The following SP7 variants were observed in gnomAD, a reference collection of about 807,000 sequenced individuals.
SP7 encodes the protein Sp7 transcription factor.
SP7 carries 13 observed loss-of-function variants against 27.9 expected under a neutral mutation model. The ratio of observed to expected loss-of-function variants is 0.47; its 90% CI spans 0.30 to 0.74. The LOEUF is 0.74. Ranked by LOEUF, SP7 falls within the 30% of genes least tolerant of loss-of-function variation. The pLI is 0.06. For missense variants in SP7, 525 were observed against 558.0 expected (o/e 0.94, Z 0.60); for synonymous variants, 219 against 226.7 (o/e 0.97, Z 0.31).
At chr12:53,331,470 CAAAAAAAAA>C (rs367626786) in intron 2 of SP7, among the ~76,000 whole-genome samples, 1 of 105,362 alleles carries the variant, frequency 9.5e-6, no homozygotes, top group South Asian at 3.4e-4. Context: ...GACTCCATCT[CAAAAAAAAA>C]AAAAAAAAAG....
upstream of SP7, among the ~76,000 whole-genome samples, chr12:53,339,810 G>T (rs556777676): frequency 5.3e-5 from 8 of 151,142 alleles, no homozygotes; most frequent in Non-Finnish European, 1.0e-4. Flanking sequence ...TACTTCCATC[G>T]TCCACACCAT....
At chr12:53,337,825 T>C (rs564664136), upstream of SP7, among the ~76,000 whole-genome samples, 4 of 152,020 alleles carry the variant, frequency 2.6e-5, no homozygotes, top group East Asian at 7.7e-4. Context: ...AGGGGAAGGG[T>C]TTGGGAACCA....
chr12:53,338,478 G>T (rs570861126), upstream of SP7, among the ~76,000 whole-genome samples: 80 of 152,284 alleles, frequency 5.3e-4, no homozygotes, highest in African/African-American at 1.3e-3. Context: ...TGAGGAGGGG[G>T]TTGGGACTCA....
At chr12:53,333,505 A>AG (rs1320811839) in intron 2 of SP7, among the ~76,000 whole-genome samples, 6 of 152,212 alleles carry the variant, frequency 3.9e-5, no homozygotes, top group Middle Eastern at 3.4e-3. Context: ...CTGGCCTCCC[A>AG]GCGGAAGTGC....
rs1944634198 is a variant in SP7, at chr12:53,326,748, G to T, written c.*1398C>A. The T allele has an allele frequency of 6.6e-6, 1 of 152,572 alleles. No individual in the cohort carries two copies. The highest frequency in any genetic ancestry group is 6.5e-5 in the Admixed American group (1 of 15,286). 9.5% of individuals were successfully genotyped at this position (152,572 alleles called of 1,614,324 possible). On this transcript the variant is annotated 3_prime_UTR_variant, in exon 3 of 3. Transcript: ENST00000536324. ...GGATCCAACGTTACAGGAAAGGCAC[G>T]AAGCGGCTTTAAAAGTCACTGGAGG...
chr12:53,337,695 G>A (rs901982610), upstream of SP7, among the ~76,000 whole-genome samples: 4 of 152,146 alleles, frequency 2.6e-5, no homozygotes, highest in African/African-American at 4.8e-5. Context: ...GGAGGTCCAC[G>A]GAGGGTTGCA....
intron 2 of SP7, among the ~76,000 whole-genome samples, chr12:53,330,322 A>C (rs1944689969): frequency 6.6e-6 from 1 of 152,082 alleles, no homozygotes; most frequent in African/African-American, 2.4e-5. Context: ...CAAAGTGTTG[A>C]GATTACAGGT....
chr12:53,334,807 C>T (rs1349246321), intron 2 of SP7, among the ~76,000 whole-genome samples: 1 of 152,238 alleles, frequency 6.6e-6, no homozygotes, highest in Non-Finnish European at 1.5e-5. Flanking sequence ...ACCCCAAACC[C>T]TGACCCCAGT....
chr12:53,342,554 G>T (rs765458213), intron 1 of SP7, among the ~76,000 whole-genome samples: 61 of 152,262 alleles, frequency 4.0e-4, no homozygotes, highest in Non-Finnish European at 7.4e-4. Context: ...GGTGGCTCAC[G>T]CCTGTAATTC....
upstream of SP7, among the ~76,000 whole-genome samples, chr12:53,339,617 T>A (rs1221809630): frequency 6.6e-6 from 1 of 150,838 alleles, no homozygotes; most frequent in Non-Finnish European, 1.5e-5. Flanking sequence ...CCCAGCTACT[T>A]GGGAGGCTGA....
chr12:53,329,570 G>A (rs1944680353), intron 2 of SP7, 150 bp from the exon 3 acceptor site: 1 of 703,038 alleles, frequency 1.4e-6, no homozygotes, highest in African/African-American at 1.8e-5. Flanking sequence ...AGGTAAAAGA[G>A]GTTAGCCAGT....
chr12:53,331,687 GC>G (rs1459004514), intron 2 of SP7, among the ~76,000 whole-genome samples: 2 of 152,028 alleles, frequency 1.3e-5, no homozygotes, highest in Non-Finnish European at 2.9e-5. Flanking sequence ...CAAAAAAGAT[GC>G]CCTCAAAATC....
rs1181916634 is a variant in SP7 at position 53,332,504 on chromosome 12, G to T, written c.22-3084C>A. On this transcript the variant is annotated intron_variant, in intron 2 of 2. Coordinates refer to ENST00000536324, the MANE Select transcript of SP7 (RefSeq NM_001173467.3). ...GAGATGGGAAGCTCACTTGAGCTAA[G>T]TAGTTAGAGGCTGCAGTGAGCTATG... is the stretch of plus-strand genomic sequence containing the variant. Among the ~76,000 whole-genome samples the T allele has an allele frequency of 4.6e-5, 7 of 152,124 alleles. No homozygotes were observed. In the East Asian group the frequency reaches 1.3e-3, roughly 29 times the overall value.
intron 2 of SP7, among the ~76,000 whole-genome samples, chr12:53,330,864 G>C (rs1263429496): frequency 6.6e-6 from 1 of 152,226 alleles, no homozygotes; most frequent in Non-Finnish European, 1.5e-5. Flanking sequence ...GAGAGCAAGA[G>C]GAAGTGATGG....
intron 2 of SP7, among the ~76,000 whole-genome samples, chr12:53,330,588 G>C (rs1412837476): frequency 6.6e-6 from 1 of 152,224 alleles, no homozygotes; most frequent in African/African-American, 2.4e-5. Context: ...TGGGGATCCT[G>C]ACCCTTGGAA....
At chr12:53,338,353 G>A (rs974909807), upstream of SP7, among the ~76,000 whole-genome samples, 1 of 152,158 alleles carries the variant, frequency 6.6e-6, no homozygotes, top group South Asian at 2.1e-4. Flanking sequence ...AGTTGAGAAA[G>A]AGAAGCTTTA....
chr12:53,334,097 G>A (rs186881080), intron 2 of SP7, among the ~76,000 whole-genome samples: 1 of 152,308 alleles, frequency 6.6e-6, no homozygotes, highest in Non-Finnish European at 1.5e-5. Context: ...CAAGACCACA[G>A]TGTTTCAATG....
chr12:53,342,006 C>A (rs537759227), intron 1 of SP7, among the ~76,000 whole-genome samples: 1 of 151,336 alleles, frequency 6.6e-6, no homozygotes, highest in Non-Finnish European at 1.5e-5. Context: ...TGCAGTGAGC[C>A]GAGATCGCGC....
intron 1 of SP7, chr12:53,335,903 T>C: frequency 8.6e-7 from 1 of 1,166,254 alleles, no homozygotes; most frequent in Non-Finnish European, 1.1e-6. Flanking sequence ...GGTCCAAATT[T>C]CCTGCTCCAT....
Sources: allele counts gnomAD v4.1 joint callset (sites outside exome capture counted in the v4.1 genomes callset), GRCh38; gene constraint gnomAD v4.1.1; transcripts MANE v1.5; gene names NCBI Gene and HGNC (gene_info 2026-07-23, HGNC 2026-07-21).